TRHDE: variants seen among roughly 807,000 people sequenced by gnomAD.
The protein encoded by TRHDE is thyrotropin-releasing hormone-degrading ectoenzyme.
A neutral mutation model predicts 125.7 loss-of-function variants in TRHDE; 72 were observed. That is an observed-to-expected ratio of 0.57 (90% confidence interval 0.47 to 0.70). The LOEUF (loss-of-function observed/expected upper bound fraction) is 0.70, where lower values mean the gene tolerates loss of function less well. Among genes scored for constraint, TRHDE ranks in the 30% least tolerant of loss-of-function variants. The pLI, the probability that TRHDE is intolerant of heterozygous loss-of-function variation, is 0.00. For missense variants in TRHDE, 1,110 were observed against 1,327.1 expected (o/e 0.84, Z 2.54); for synonymous variants, 509 against 509.1 (o/e 1.00, Z 0.00).
At chr12:72,443,783 G>T (rs983606031) in intron 3 of TRHDE, among the ~76,000 whole-genome samples, 4 of 151,776 alleles carry the variant, frequency 2.6e-5, no homozygotes, top group Non-Finnish European at 5.9e-5. Context: ...ACTGCAGAGG[G>T]GAGAGGCTGC....
intron 3 of TRHDE, among the ~76,000 whole-genome samples, chr12:72,382,525 A>C (rs965141832): frequency 6.6e-6 from 1 of 152,144 alleles, no homozygotes; most frequent in Non-Finnish European, 1.5e-5. Flanking sequence ...CTCACAAATT[A>C]TCCCTGTCCC....
intron 2 of TRHDE, among the ~76,000 whole-genome samples, chr12:72,129,379 A>C (rs1875808912): frequency 6.6e-6 from 1 of 152,216 alleles, no homozygotes; most frequent in Non-Finnish European, 1.5e-5. Context: ...TATTGTGTAG[A>C]TGCCTTAAAC....
At chr12:72,543,884 A>G (rs970930475) in intron 7 of TRHDE, among the ~76,000 whole-genome samples, 4 of 149,898 alleles carry the variant, frequency 2.7e-5, no homozygotes, top group African/African-American at 9.7e-5. Flanking sequence ...AAATATATCA[A>G]TTTTTAATAC....
chr12:72,175,663 A>G (rs1346608636), intron 2 of TRHDE, among the ~76,000 whole-genome samples: 1 of 152,216 alleles, frequency 6.6e-6, no homozygotes, highest in Admixed American at 6.5e-5. Context: ...TTGTTATGAA[A>G]ATAATTGTAA....
At chr12:72,562,789 TTAATGTTAA>T (rs772054077) in intron 8 of TRHDE, 55 bp from the exon 9 acceptor site, 490 of 1,063,424 alleles carry the variant, frequency 4.6e-4, no homozygotes, top group Non-Finnish European at 6.2e-4. Flanking sequence ...TAAAAATGTC[TTAATGTTAA>T]TAATGTTGAT....
intron 15 of TRHDE, among the ~76,000 whole-genome samples, chr12:72,622,178 TA>T (rs1873080853): frequency 6.6e-6 from 1 of 151,964 alleles, no homozygotes; most frequent in African/African-American, 2.4e-5. Flanking sequence ...AAACTAAAAA[TA>T]AAAGGTTATG....
intron 2 of TRHDE, among the ~76,000 whole-genome samples, chr12:72,120,851 T>C (rs1875563757): frequency 6.6e-6 from 1 of 151,706 alleles, no homozygotes; most frequent in Non-Finnish European, 1.5e-5. Flanking sequence ...GCTAATTTTT[T>C]TGTATTTTAG....
In TRHDE at chr12:72,664,922, C is replaced by T. The variant is rs985012853; in HGVS notation, c.*1727C>T. On this transcript the variant is annotated 3_prime_UTR_variant, in exon 19 of 19. Transcript: ENST00000261180. ...ACCTATTAGTCATACCTAAATTTTT[C>T]AGCACTTCATTCAATTAAAATACAT... is the stretch of plus-strand genomic sequence containing the variant. 6.6e-5 allele frequency: 10 copies of T among 151,972 alleles called. No individual in the cohort carries two copies. The highest frequency in any genetic ancestry group is 2.2e-4 in the African/African-American group (9 of 41,410). 9.4% of individuals were successfully genotyped at this position (151,972 alleles called of 1,614,324 possible). A position where few individuals can be genotyped will look rare whatever the true frequency, so the allele number is the denominator to read the frequency against.
intron 2 of TRHDE, among the ~76,000 whole-genome samples, chr12:72,376,398 G>A (rs1339434912): frequency 6.6e-6 from 1 of 152,146 alleles, no homozygotes; most frequent in African/African-American, 2.4e-5. Context: ...CACAGTTATT[G>A]TCAGGGGTAG....
chr12:72,582,955 TTTTC>T (rs1871298824), intron 12 of TRHDE, among the ~76,000 whole-genome samples: 1 of 152,216 alleles, frequency 6.6e-6, no homozygotes, highest in Non-Finnish European at 1.5e-5. Context: ...GTATAAACAT[TTTTC>T]TTTTAGTTGT....
At chr12:72,104,929 T>C (rs969463000) in intron 1 of TRHDE, among the ~76,000 whole-genome samples, 1 of 152,164 alleles carries the variant, frequency 6.6e-6, no homozygotes, top group Non-Finnish European at 1.5e-5. Context: ...GCTCCCTTTA[T>C]TTTCTCATGC....
intron 2 of TRHDE, among the ~76,000 whole-genome samples, chr12:72,352,163 T>C (rs1297582515): frequency 1.3e-5 from 2 of 151,874 alleles, no homozygotes; most frequent in African/African-American, 4.8e-5. Context: ...CAGAATCCAG[T>C]AGATATTCGT....
Position 72,614,331 on chromosome 12 carries a change from T to TATATATATA in TRHDE, c.2322-4560_2322-4559insATATATATA, listed in dbSNP as rs1448155527. Among the ~76,000 whole-genome samples the TATATATATA allele has an allele frequency of 5.1e-3, 249 of 48,580 alleles. 2 individuals carry two copies. Among genetic ancestry groups the TATATATATA allele is most frequent in the African/African-American group, 0.03 (241 of 8,002 alleles). The allele number at this position is 48,580 out of a possible 152,430, so 31.9% of individuals were successfully genotyped here. A position where few individuals can be genotyped will look rare whatever the true frequency, so the allele number is the denominator to read the frequency against. On this transcript the variant is annotated intron_variant, in intron 12 of 18. Transcript: ENST00000261180. ...ACATATGTATATATATATATATATA[T>TATATATATA]TTTTTTTTTCTCTAGAAACTGATCA...
At chr12:72,230,765 T>TGTAA (rs1021931561) in intron 2 of TRHDE, among the ~76,000 whole-genome samples, 2 of 152,178 alleles carry the variant, frequency 1.3e-5, no homozygotes, top group Admixed American at 1.3e-4. Context: ...CTCTCCTTAC[T>TGTAA]GTAAAATTCC....
At chr12:72,087,665 G>A (rs1178479372) in intron 1 of TRHDE, among the ~76,000 whole-genome samples, 1 of 152,140 alleles carries the variant, frequency 6.6e-6, no homozygotes, top group Non-Finnish European at 1.5e-5. Flanking sequence ...GACATGGCAT[G>A]GGATAGCATG....
intron 7 of TRHDE, among the ~76,000 whole-genome samples, chr12:72,558,511 A>G (rs1007714877): frequency 6.6e-6 from 1 of 152,204 alleles, no homozygotes; most frequent in Admixed American, 6.5e-5. Context: ...TATGAGGGCC[A>G]TTTTTAGGTT....
rs562846956 is a variant in TRHDE at position 72,604,007 on chromosome 12, A to T, written c.2322-14884A>T. Reference sequence around the variant, plus strand: ...CAAGTTATCCTTTGGCTGCTAAAGGATATGGTGAGTCTTGAATTTACTTAC... The same window carrying T: ...CAAGTTATCCTTTGGCTGCTAAAGGTTATGGTGAGTCTTGAATTTACTTAC... On this transcript the variant is annotated intron_variant, in intron 12 of 18. Coordinates refer to ENST00000261180, the MANE Select transcript of TRHDE (RefSeq NM_013381.3). 1.0e-3 allele frequency among the ~76,000 whole-genome samples: 155 copies of T among 152,306 alleles called. 1 individual carries two copies. Among genetic ancestry groups the T allele is most frequent in the Admixed American group, 2.2e-3 (33 of 15,298 alleles).
At chr12:72,165,515 G>A (rs1876724936) in intron 2 of TRHDE, among the ~76,000 whole-genome samples, 1 of 152,034 alleles carries the variant, frequency 6.6e-6, no homozygotes, top group African/African-American at 2.4e-5. Flanking sequence ...TTTAGCCAAT[G>A]TCTACCTCAG....
At chr12:72,512,619 TCATATATATCATATTA>T (rs1878655986) in intron 6 of TRHDE, among the ~76,000 whole-genome samples, 1 of 142,292 alleles carries the variant, frequency 7.0e-6, no homozygotes. Context: ...TTATATATAA[TCATATATATCATATTA>T]TCATATATAA....
Sources: gnomAD v4.1 joint callset for allele counts (sites outside exome capture counted in the v4.1 genomes callset) on GRCh38, gnomAD v4.1.1 for gene constraint, MANE v1.5 for transcripts, NCBI Gene and HGNC (gene_info 2026-07-23, HGNC 2026-07-21) for gene names.